Variants in PTPN9 observed in about 807,000 individuals in gnomAD.
PTPN9 encodes tyrosine-protein phosphatase non-receptor type 9.
In PTPN9, 26 loss-of-function variants were observed where a neutral mutation model predicts 69.8. That is an observed-to-expected ratio of 0.37 (90% CI 0.27 to 0.52). The LOEUF is 0.52. PTPN9 is among the 20% of genes least tolerant of loss of function. The pLI, the probability that PTPN9 is intolerant of heterozygous loss-of-function variation, is 0.91. For synonymous variants in PTPN9, 274 were observed against 272.5 expected, an observed-to-expected ratio of 1.01 and a Z score of -0.05; for missense variants, 549 against 740.3, an observed-to-expected ratio of 0.74 and a Z score of 3.00.
intron 1 of PTPN9, among the ~76,000 whole-genome samples, chr15:75,555,193 G>A (rs1202640645): frequency 6.6e-6 from 1 of 152,152 alleles, no homozygotes; most frequent in Non-Finnish European, 1.5e-5. Context: ...TTCTAGTCCA[G>A]AACCAAATGA....
intron 1 of PTPN9, among the ~76,000 whole-genome samples, chr15:75,554,852 T>C (rs371294449): frequency 2.0e-5 from 3 of 152,172 alleles, no homozygotes; most frequent in African/African-American, 7.2e-5. Context: ...TTAACTCACA[T>C]GTCCAGACTC....
At chr15:75,569,683 C>CA (rs747748643) in intron 1 of PTPN9, among the ~76,000 whole-genome samples, 651 of 54,428 alleles carry the variant, frequency 0.012, 5 homozygotes, top group East Asian at 0.018. Context: ...AACTCCATCT[C>CA]AAAAAAAAAA....
At chr15:75,572,629 C>A (rs977865801) in intron 1 of PTPN9, among the ~76,000 whole-genome samples, 1 of 151,968 alleles carries the variant, frequency 6.6e-6, no homozygotes, top group Non-Finnish European at 1.5e-5. Flanking sequence ...ACAGGAGAAT[C>A]GCTTGAACCC....
intron 1 of PTPN9, among the ~76,000 whole-genome samples, chr15:75,567,541 A>C (rs1045483985): frequency 6.6e-6 from 1 of 152,204 alleles, no homozygotes; most frequent in Non-Finnish European, 1.5e-5. Flanking sequence ...ACCTGCCCAG[A>C]AATTACTGTA....
intron 1 of PTPN9, among the ~76,000 whole-genome samples, chr15:75,566,411 G>C (rs1455057194): frequency 6.6e-6 from 1 of 152,240 alleles, no homozygotes; most frequent in African/African-American, 2.4e-5. Context: ...GCGGGACACA[G>C]TGGCTCATGC....
intron 1 of PTPN9, among the ~76,000 whole-genome samples, chr15:75,558,829 T>A (rs937605712): frequency 6.6e-6 from 1 of 152,224 alleles, no homozygotes; most frequent in Admixed American, 6.5e-5. Context: ...GTTCACTCAG[T>A]GCTCAATGTT....
intron 1 of PTPN9, among the ~76,000 whole-genome samples, chr15:75,538,381 CG>C (rs2074994254): frequency 6.6e-6 from 1 of 152,038 alleles, no homozygotes; most frequent in Non-Finnish European, 1.5e-5. Context: ...CCAAAAGATG[CG>C]TAACAACCTG....
chr15:75,538,158 T>G (rs78698999), intron 1 of PTPN9, among the ~76,000 whole-genome samples: 2,886 of 152,168 alleles, frequency 0.019, 95 homozygotes, highest in African/African-American at 0.065. Context: ...AAAGACTTGG[T>G]TTAACATCAG....
At chr15:75,507,141 T>G (rs1382251441) in intron 6 of PTPN9, among the ~76,000 whole-genome samples, 2 of 152,050 alleles carry the variant, frequency 1.3e-5, no homozygotes, top group Non-Finnish European at 2.9e-5. Flanking sequence ...TCTCAAAGAG[T>G]TACCTTAGAA....
intron 9 of PTPN9, among the ~76,000 whole-genome samples, chr15:75,475,572 C>T (rs897225522): frequency 4.6e-5 from 7 of 151,892 alleles, no homozygotes; most frequent in Middle Eastern, 3.4e-3. Flanking sequence ...TGGGCGACAG[C>T]AAGACTCCAT....
chr15:75,475,476 G>A (rs2074590809), intron 9 of PTPN9, among the ~76,000 whole-genome samples: 1 of 152,106 alleles, frequency 6.6e-6, no homozygotes, highest in South Asian at 2.1e-4. Context: ...CTACTCGGGA[G>A]CCTGAGTTAG....
intron 7 of PTPN9, among the ~76,000 whole-genome samples, chr15:75,501,118 TCTCATTATTTTCCCCAA>T (rs1277514828): frequency 2.6e-5 from 4 of 152,080 alleles, no homozygotes; most frequent in Admixed American, 6.6e-5. Context: ...ACTTTCCCTA[TCTCATTATTTTCCCCAA>T]CTCATTATTT....
At chr15:75,553,434 C>G (rs1196140081) in intron 1 of PTPN9, among the ~76,000 whole-genome samples, 1 of 152,096 alleles carries the variant, frequency 6.6e-6, no homozygotes, top group African/African-American at 2.4e-5. Context: ...AAGAGGGTCA[C>G]CGGCAAATTA....
At chr15:75,552,067 AG>A (rs2075058691) in intron 1 of PTPN9, among the ~76,000 whole-genome samples, 1 of 151,802 alleles carries the variant, frequency 6.6e-6, no homozygotes, top group South Asian at 2.1e-4. Context: ...AAAAGAAAAA[AG>A]AAAAAAAAAT....
At chr15:75,488,512 A>C (rs763212456) in intron 8 of PTPN9, among the ~76,000 whole-genome samples, 10 of 151,250 alleles carry the variant, frequency 6.6e-5, no homozygotes, top group Admixed American at 2.6e-4. Context: ...AAAAGGAATT[A>C]TGGCCAGGCA....
intron 1 of PTPN9, among the ~76,000 whole-genome samples, chr15:75,532,927 T>C (rs1376265979): frequency 3.3e-5 from 5 of 152,214 alleles, no homozygotes; most frequent in African/African-American, 1.2e-4. Flanking sequence ...CTCTGCTGGT[T>C]ACCAGAAAAA....
chr15:75,482,078 T>TA (rs1372091884), intron 8 of PTPN9, among the ~76,000 whole-genome samples: 1 of 150,588 alleles, frequency 6.6e-6, no homozygotes, highest in Non-Finnish European at 1.5e-5. Flanking sequence ...TAGAAAGAAG[T>TA]AGACATGGGA....
intron 3 of PTPN9, among the ~76,000 whole-genome samples, chr15:75,523,479 T>C (rs2074914073): frequency 1.3e-5 from 2 of 152,260 alleles, no homozygotes; most frequent in Admixed American, 6.5e-5. Flanking sequence ...ACACATTCTC[T>C]TTGCTCTTCA....
intron 1 of PTPN9, among the ~76,000 whole-genome samples, chr15:75,530,562 T>TTA (rs1555456015): frequency 4.2e-5 from 3 of 71,370 alleles, no homozygotes. Context: ...ATATTATATA[T>TTA]TATTATATTA....
Sources: gnomAD v4.1 joint callset for allele counts (sites outside exome capture counted in the v4.1 genomes callset) on GRCh38, gnomAD v4.1.1 for gene constraint, MANE v1.5 for transcripts, NCBI Gene and HGNC (gene_info 2026-07-23, HGNC 2026-07-21) for gene names.